MYO3B: variants seen among roughly 807,000 people sequenced by gnomAD.
The protein encoded by MYO3B is myosin IIIB.
A neutral mutation model predicts 174.6 loss-of-function variants in MYO3B; 156 were observed. That is an observed-to-expected ratio of 0.89 (90% confidence interval 0.78 to 1.02). The LOEUF is 1.02. Among genes scored for constraint, MYO3B ranks in the 50% least tolerant of loss-of-function variants. MYO3B has a pLI of 0.00. For synonymous variants in MYO3B, 563 were observed against 569.1 expected (o/e 0.99, Z 0.15); for missense variants, 1,632 against 1,639.4 (o/e 1.00, Z 0.08).
intron 1 of MYO3B, among the ~76,000 whole-genome samples, chr2:170,190,929 T>C (rs781698588): frequency 6.6e-6 from 1 of 151,870 alleles, no homozygotes; most frequent in Non-Finnish European, 1.5e-5. Flanking sequence ...TCCCTCCCCA[T>C]TGCTACCACA....
chr2:170,311,951 G>A (rs1172753554), intron 7 of MYO3B, among the ~76,000 whole-genome samples: 1 of 152,150 alleles, frequency 6.6e-6, no homozygotes, highest in Non-Finnish European at 1.5e-5. Context: ...CTATCCCATT[G>A]ATCTGTACGT....
chr2:170,261,370 C>A (rs138590498), intron 7 of MYO3B, among the ~76,000 whole-genome samples: 60 of 152,276 alleles, frequency 3.9e-4, no homozygotes, highest in African/African-American at 1.1e-3. Flanking sequence ...TAGCTAGACC[C>A]TGTCTCTACC....
At chr2:170,375,715 A>G (rs907807179) in intron 9 of MYO3B, among the ~76,000 whole-genome samples, 1 of 84,608 alleles carries the variant, frequency 1.2e-5, no homozygotes, top group Non-Finnish European at 3.3e-5. Flanking sequence ...AAATATGTGC[A>G]TGCATGCACA....
At chr2:170,259,464 T>A (rs1163239795) in intron 7 of MYO3B, among the ~76,000 whole-genome samples, 2 of 152,182 alleles carry the variant, frequency 1.3e-5, no homozygotes, top group Non-Finnish European at 2.9e-5. Context: ...GGGAAAGGAC[T>A]CCCTTTTCAA....
At chr2:170,470,268 C>T (rs934729407) in intron 25 of MYO3B, among the ~76,000 whole-genome samples, 1 of 152,050 alleles carries the variant, frequency 6.6e-6, no homozygotes, top group African/African-American at 2.4e-5. Context: ...CTCCTCAATC[C>T]CACCAAACTT....
intron 30 of MYO3B, among the ~76,000 whole-genome samples, chr2:170,520,845 C>T (rs1376505973): frequency 6.6e-6 from 1 of 152,066 alleles, no homozygotes; most frequent in Non-Finnish European, 1.5e-5. Flanking sequence ...TATAATGTGC[C>T]TTCTCTCAGA....
chr2:170,601,057 T>C (rs539315664), intron 32 of MYO3B, among the ~76,000 whole-genome samples: 1 of 152,320 alleles, frequency 6.6e-6, no homozygotes, highest in East Asian at 1.9e-4. Context: ...TAGCTAACTA[T>C]ATGAAAGGAT....
intron 8 of MYO3B, among the ~76,000 whole-genome samples, chr2:170,337,328 T>G (rs2093952505): frequency 6.6e-6 from 1 of 152,170 alleles, no homozygotes; most frequent in Admixed American, 6.5e-5. Context: ...CCTTTTCATT[T>G]CATTGCCACA....
intron 22 of MYO3B, among the ~76,000 whole-genome samples, chr2:170,428,278 T>C (rs1290442488): frequency 6.6e-6 from 1 of 152,250 alleles, no homozygotes; most frequent in Non-Finnish European, 1.5e-5. Context: ...CCTCCATTTA[T>C]CTAAGCGAGG....
intron 25 of MYO3B, among the ~76,000 whole-genome samples, chr2:170,492,024 G>A (rs1219494685): frequency 1.3e-5 from 2 of 150,100 alleles, no homozygotes; most frequent in African/African-American, 4.9e-5. Flanking sequence ...TTGTACTTCA[G>A]CCTGGGTGAC....
chr2:170,608,073 G>A (rs114471319), intron 32 of MYO3B, among the ~76,000 whole-genome samples: 1,699 of 152,282 alleles, frequency 0.011, 29 homozygotes, highest in African/African-American at 0.039. Context: ...TTTGGGGACA[G>A]GTACACTTCT....
In MYO3B at chr2:170,302,429, G is replaced by A. The variant is rs564245369; in HGVS notation, c.750-32956G>A. 1.8e-3 allele frequency among the ~76,000 whole-genome samples: 281 copies of A among 152,214 alleles called. 1 individual carries two copies. The highest frequency in any genetic ancestry group is 5.3e-3 in the Admixed American group (81 of 15,280). On this transcript the variant is annotated intron_variant, in intron 7 of 34. Transcript: ENST00000408978. ...TAATTGAAATGACCAGCTGGGGCTG[G>A]GACTGTAAAATCTAAACAAGCATTA...
chr2:170,381,950 T>C (rs2094338738), intron 9 of MYO3B, 66 bp from the exon 10 acceptor site: 2 of 1,357,920 alleles, frequency 1.5e-6, no homozygotes, highest in Non-Finnish European at 2.1e-6. Flanking sequence ...TGAGCCATGC[T>C]TGCTGCCCGC....
intron 1 of MYO3B, among the ~76,000 whole-genome samples, chr2:170,190,236 T>C (rs766432577): frequency 4.6e-5 from 7 of 152,168 alleles, no homozygotes; most frequent in Non-Finnish European, 7.4e-5. Context: ...TGCCTAGAAC[T>C]GGGAGAGGGG....
intron 22 of MYO3B, among the ~76,000 whole-genome samples, chr2:170,412,816 T>A (rs72876347): frequency 6.6e-6 from 1 of 152,132 alleles, no homozygotes; most frequent in Admixed American, 6.5e-5. Flanking sequence ...GCCACAGACA[T>A]GGATAGTGCT....
intron 32 of MYO3B, among the ~76,000 whole-genome samples, chr2:170,603,211 G>A (rs575387593): frequency 2.6e-5 from 4 of 152,122 alleles, no homozygotes; most frequent in African/African-American, 7.2e-5. Context: ...CTCAGAATAC[G>A]TTACTTAGGT....
intron 30 of MYO3B, among the ~76,000 whole-genome samples, chr2:170,539,420 G>A (rs576933943): frequency 1.2e-4 from 19 of 152,278 alleles, no homozygotes; most frequent in African/African-American, 1.7e-4. Context: ...CAATGTTGTC[G>A]TGGTGTTAGT....
intron 7 of MYO3B, among the ~76,000 whole-genome samples, chr2:170,247,482 C>T (rs999342577): frequency 6.6e-6 from 1 of 152,182 alleles, no homozygotes; most frequent in African/African-American, 2.4e-5. Context: ...TTCTACCAGG[C>T]CTCATCAAGG....
At chr2:170,502,755 G>A (rs1194264928) in intron 28 of MYO3B, among the ~76,000 whole-genome samples, 1 of 152,176 alleles carries the variant, frequency 6.6e-6, no homozygotes, top group Admixed American at 6.5e-5. Context: ...GCAGCAGAGA[G>A]AGTGATAGGA....
Sources: allele counts gnomAD v4.1 joint callset (sites outside exome capture counted in the v4.1 genomes callset), GRCh38; gene constraint gnomAD v4.1.1; transcripts MANE v1.5; gene names NCBI Gene and HGNC (gene_info 2026-07-23, HGNC 2026-07-21).